Variants in DGKB observed in about 807,000 individuals in gnomAD.
DGKB encodes 90 kDa diacylglycerol kinase.
Under a neutral mutation model 114.3 loss-of-function variants are expected in DGKB, and 67 were observed. The observed-to-expected ratio is 0.59, with a 90% CI of 0.48 to 0.72. The LOEUF (loss-of-function observed/expected upper bound fraction) is 0.72. Ranked by LOEUF, DGKB falls within the 30% of genes least tolerant of loss-of-function variation. The probability of loss-of-function intolerance (pLI) is 0.00; values close to 1 mark genes in which losing one functional copy is unlikely to be tolerated. For synonymous variants in DGKB, 398 were observed against 323.1 expected (o/e 1.23, Z -2.49); for missense variants, 907 against 975.2 (o/e 0.93, Z 0.93).
intron 25 of DGKB, among the ~76,000 whole-genome samples, chr7:14,157,893 G>A (rs1783268535): frequency 6.6e-6 from 1 of 152,128 alleles, no homozygotes; most frequent in African/African-American, 2.4e-5. Context: ...TTCTTAACTA[G>A]AGAATATTTA....
intron 1 of DGKB, among the ~76,000 whole-genome samples, chr7:14,921,249 T>C (rs1039672202): frequency 6.6e-6 from 1 of 152,156 alleles, no homozygotes. Flanking sequence ...TGTGGATGCA[T>C]GAAATAACAT....
chr7:14,612,945 T>C (rs964557233), intron 16 of DGKB, among the ~76,000 whole-genome samples: 1 of 152,260 alleles, frequency 6.6e-6, no homozygotes, highest in Non-Finnish European at 1.5e-5. Context: ...AGAAAATCAT[T>C]ATAATATATT....
chr7:14,156,047 T>C (rs1198413244), intron 25 of DGKB, among the ~76,000 whole-genome samples: 2 of 151,954 alleles, frequency 1.3e-5, no homozygotes, highest in African/African-American at 4.8e-5. Flanking sequence ...CATTTAAGAG[T>C]GCAGCAGGAG....
At chr7:14,873,728 ACT>A (rs1252256115) in intron 1 of DGKB, among the ~76,000 whole-genome samples, 6 of 152,086 alleles carry the variant, frequency 3.9e-5, no homozygotes, top group African/African-American at 1.2e-4. Context: ...CTTTGAGTCC[ACT>A]GTTTCTAGCA....
intron 23 of DGKB, among the ~76,000 whole-genome samples, chr7:14,244,076 A>G (rs900338663): frequency 6.6e-6 from 1 of 152,060 alleles, no homozygotes; most frequent in Non-Finnish European, 1.5e-5. Flanking sequence ...AGATCAATTT[A>G]CCTTCCAGGT....
At chr7:14,342,675 T>G (rs2128585727) in intron 22 of DGKB, among the ~76,000 whole-genome samples, 1 of 152,032 alleles carries the variant, frequency 6.6e-6, no homozygotes, top group East Asian at 1.9e-4. Flanking sequence ...ATCTCTGCAA[T>G]GGAGATATAA....
intron 1 of DGKB, among the ~76,000 whole-genome samples, chr7:14,890,741 T>A (rs79173765): frequency 0.029 from 4,362 of 151,232 alleles, 199 homozygotes; most frequent in African/African-American, 0.1. Flanking sequence ...TAGACTTCTG[T>A]TTACTTCCTA....
At chr7:14,160,737 T>C (rs1437432234) in intron 25 of DGKB, among the ~76,000 whole-genome samples, 2 of 152,130 alleles carry the variant, frequency 1.3e-5, no homozygotes, top group South Asian at 2.1e-4. Flanking sequence ...CAAGCTACCA[T>C]GGACTTTCTT....
chr7:14,575,760 G>T (rs1458215013), intron 19 of DGKB, among the ~76,000 whole-genome samples: 1 of 152,060 alleles, frequency 6.6e-6, no homozygotes, highest in Non-Finnish European at 1.5e-5. Context: ...AACATTTTCA[G>T]TTTTTATTTT....
rs141479359 is a variant in DGKB at position 14,575,817 on chromosome 7, T to C, written c.1610-1445A>G. On this transcript the variant is annotated intron_variant, in intron 19 of 25. Coordinates refer to ENST00000402815, the MANE Select transcript of DGKB (RefSeq NM_001350709.2). ...TTGAACAAGGAAATGCCAGAGGCTA[T>C]GAGTCCTCATTAGAGCTATTAGCAT... is the stretch of plus-strand genomic sequence containing the variant. Among the ~76,000 whole-genome samples the C allele has an allele frequency of 1.3e-4, 20 of 152,326 alleles. No individual in the cohort carries two copies. In the East Asian group the frequency reaches 3.9e-3, roughly 29 times the overall value.
At chr7:14,771,491 A>C (rs1008393881) in intron 2 of DGKB, among the ~76,000 whole-genome samples, 1 of 152,054 alleles carries the variant, frequency 6.6e-6, no homozygotes, top group Admixed American at 6.6e-5. Flanking sequence ...CTTTGCTTTG[A>C]TGAAGGATTA....
At chr7:14,726,079 G>A (rs1354738243) in intron 5 of DGKB, among the ~76,000 whole-genome samples, 3 of 151,998 alleles carry the variant, frequency 2.0e-5, no homozygotes, top group African/African-American at 7.2e-5. Flanking sequence ...AGAACAAGTT[G>A]CACAGGTACG....
At chr7:14,720,839 T>G (rs1340210610) in intron 5 of DGKB, among the ~76,000 whole-genome samples, 1 of 142,596 alleles carries the variant, frequency 7.0e-6, no homozygotes, top group Non-Finnish European at 1.5e-5. Context: ...TTGAAGACAA[T>G]CCTGAGCTTT....
At chr7:14,769,070 TAAGAAAGAAAGAAAGA>T (rs5882458) in intron 2 of DGKB, among the ~76,000 whole-genome samples, 1,129 of 84,298 alleles carry the variant, frequency 0.013, 8 homozygotes, top group African/African-American at 0.017. Flanking sequence ...TTTTTAAAGA[TAAGAAAGAAAGAAAGA>T]AAGAAAGAAA....
chr7:14,873,977 A>T, intron 1 of DGKB, among the ~76,000 whole-genome samples: 1 of 152,090 alleles, frequency 6.6e-6, no homozygotes, highest in Admixed American at 6.5e-5. Flanking sequence ...TATTACTAAC[A>T]ATGAAACAAA....
At chr7:14,673,620 G>A (rs2128950520) in intron 12 of DGKB, among the ~76,000 whole-genome samples, 2 of 152,084 alleles carry the variant, frequency 1.3e-5, no homozygotes, top group South Asian at 4.1e-4. Context: ...TCAACGTTAA[G>A]TTAGTATATA....
intron 23 of DGKB, among the ~76,000 whole-genome samples, chr7:14,244,509 A>G (rs940491365): frequency 6.6e-5 from 10 of 151,638 alleles, no homozygotes; most frequent in Non-Finnish European, 1.5e-4. Flanking sequence ...ACAAAAAGAA[A>G]AAAAAAGAAA....
chr7:14,904,394 T>C (rs1327352253), upstream of DGKB, among the ~76,000 whole-genome samples: 1 of 152,146 alleles, frequency 6.6e-6, no homozygotes, highest in Admixed American at 6.6e-5. Flanking sequence ...TCCCAGTTGT[T>C]AGGGCTTGTG....
intron 1 of DGKB, among the ~76,000 whole-genome samples, chr7:14,856,665 G>GTGTA (rs1409687533): frequency 6.6e-6 from 1 of 151,594 alleles, no homozygotes; most frequent in African/African-American, 2.4e-5. Context: ...TTGTGTGTGT[G>GTGTA]TATATATATA....
Sources: allele counts gnomAD v4.1 joint callset (sites outside exome capture counted in the v4.1 genomes callset), GRCh38; gene constraint gnomAD v4.1.1; transcripts MANE v1.5; gene names NCBI Gene and HGNC (gene_info 2026-07-23, HGNC 2026-07-21).